TLN2: variants seen among roughly 807,000 people sequenced by gnomAD.
TLN2 encodes the protein talin 2, also known as talin-2.
Under a neutral mutation model 294.7 loss-of-function variants are expected in TLN2, and 118 were observed. That is an observed-to-expected ratio of 0.40 (90% CI 0.34 to 0.47). The LOEUF (loss-of-function observed/expected upper bound fraction) is 0.47. Ranked by LOEUF, TLN2 falls within the 20% of genes least tolerant of loss-of-function variation. TLN2 has a pLI of 0.84. For synonymous variants in TLN2, 1,431 were observed against 1,304.5 expected (o/e 1.10, Z -2.09); for missense variants, 3,083 against 3,282.2 (o/e 0.94, Z 1.48).
chr15:62,712,047 C>A lies in TLN2; in HGVS notation c.2604C>A (p.Asp868Glu). 6.2e-7 allele frequency: 1 copy of A among 1,614,174 alleles called. No homozygotes were observed. Among genetic ancestry groups the A allele is most frequent in the Non-Finnish European group, 8.5e-7 (1 of 1,180,002 alleles). The stretch of plus-strand genomic sequence containing the variant: ...TGGCAGCAGCAAAACTCTTAGCTGA[C>A]TCCACTGCTCGCATGGTGGAAGCTG... The part of the protein sequence containing the change: ...KLLAAAKLLA[D>E]STARMVEAAK... Residue 868 changes from aspartate to glutamate, a missense_variant, in exon 22 of 59, where the codon GAC (aspartate) becomes GAA (glutamate). Physicochemically the swap from Asp to Glu is conservative, Grantham distance 45 (BLOSUM62 2). Transcript: ENST00000636159.
intron 1 of TLN2, among the ~76,000 whole-genome samples, chr15:62,564,831 C>T (rs947276546): frequency 6.6e-6 from 1 of 150,416 alleles, no homozygotes; most frequent in African/African-American, 2.5e-5. Context: ...CGCTTGAACC[C>T]CGGGAGGTGG....
At chr15:62,507,332 G>GTC (rs71431445) in intron 1 of TLN2, among the ~76,000 whole-genome samples, 26 of 152,204 alleles carry the variant, frequency 1.7e-4, no homozygotes, top group Non-Finnish European at 3.2e-4. Context: ...GAATACCAAA[G>GTC]TCTGGTAACT....
At chr15:62,749,091 C>T (rs1340457230) in intron 33 of TLN2, among the ~76,000 whole-genome samples, 1 of 152,160 alleles carries the variant, frequency 6.6e-6, no homozygotes, top group Non-Finnish European at 1.5e-5. Flanking sequence ...CTAACCAATG[C>T]CGGTTATATT....
At chr15:62,647,875 T>C (rs1352064654) in intron 4 of TLN2, among the ~76,000 whole-genome samples, 3 of 152,180 alleles carry the variant, frequency 2.0e-5, no homozygotes, top group Non-Finnish European at 4.4e-5. Context: ...ACAGGGACTT[T>C]ATAAATTTTA....
At chr15:62,453,422 C>T (rs1483682860) in intron 1 of TLN2, among the ~76,000 whole-genome samples, 1 of 152,140 alleles carries the variant, frequency 6.6e-6, no homozygotes, top group Non-Finnish European at 1.5e-5. Context: ...TGCTCTAATA[C>T]AAGGCCCTTT....
intron 1 of TLN2, among the ~76,000 whole-genome samples, chr15:62,577,483 A>G (rs990124708): frequency 1.3e-5 from 2 of 152,126 alleles, no homozygotes; most frequent in Non-Finnish European, 2.9e-5. Context: ...CAAAAAACAC[A>G]AACAAAAGAA....
At chr15:62,595,558 T>C (rs1478252586) in intron 2 of TLN2, among the ~76,000 whole-genome samples, 2 of 152,078 alleles carry the variant, frequency 1.3e-5, no homozygotes, top group Non-Finnish European at 2.9e-5. Context: ...AAATTAAAAA[T>C]AGAACTTCTA....
Position 62,737,102 on chromosome 15 carries a change from A to G in TLN2, c.3567+16A>G. ...ACTGGCTCAGGTGAGGCTAGGAATGAGAAATTGTGGTTGTCATGGTCATCA... is the reference window on the plus strand; with the variant it reads ...ACTGGCTCAGGTGAGGCTAGGAATGGGAAATTGTGGTTGTCATGGTCATCA... On this transcript the variant is annotated intron_variant, in intron 29 of 58. Transcript: ENST00000636159. 1 of 1,613,552 alleles carries G rather than the reference A, an allele frequency of 6.2e-7. No individual in the cohort carries two copies. Among genetic ancestry groups the G allele is most frequent in the Non-Finnish European group, 8.5e-7 (1 of 1,179,696 alleles).
chr15:62,701,057 T>C, intron 16 of TLN2, 49 bp from the exon 17 acceptor site: 1 of 1,528,030 alleles, frequency 6.5e-7, no homozygotes, highest in South Asian at 1.2e-5. Flanking sequence ...TCCGGTCTCC[T>C]GGGTAATTCT....
intron 1 of TLN2, among the ~76,000 whole-genome samples, chr15:62,498,153 C>CAAAAAAAAAAAAAAA (rs538951284): frequency 1.1e-5 from 1 of 93,384 alleles, no homozygotes; most frequent in Non-Finnish European, 2.2e-5. Context: ...GACCCTGCCT[C>CAAAAAAAAAAAAAAA]AAAAAAAAAA....
intron 21 of TLN2, among the ~76,000 whole-genome samples, chr15:62,709,887 A>G (rs1217933865): frequency 6.6e-6 from 1 of 152,124 alleles, no homozygotes; most frequent in African/African-American, 2.4e-5. Flanking sequence ...GGCGCCTGCC[A>G]TGATGCCCGG....
chr15:62,681,153 A>G (rs75542311), intron 11 of TLN2, among the ~76,000 whole-genome samples: 1,562 of 152,288 alleles, frequency 0.01, 33 homozygotes, highest in African/African-American at 0.035. Context: ...AGGAATCTCT[A>G]TACTGTTTTC....
intron 22 of TLN2, among the ~76,000 whole-genome samples, chr15:62,714,988 G>A (rs904674641): frequency 6.6e-6 from 1 of 152,072 alleles, no homozygotes; most frequent in African/African-American, 2.4e-5. Flanking sequence ...AATACCTGAT[G>A]AACAGAAAAA....
intron 2 of TLN2, among the ~76,000 whole-genome samples, chr15:62,616,641 C>T (rs2048336186): frequency 6.6e-6 from 1 of 152,262 alleles, no homozygotes; most frequent in South Asian, 2.1e-4. Context: ...AGCCTAGGCT[C>T]CTAGTCATGG....
intron 1 of TLN2, among the ~76,000 whole-genome samples, chr15:62,472,213 T>C (rs2140363806): frequency 6.6e-6 from 1 of 152,294 alleles, no homozygotes; most frequent in South Asian, 2.1e-4. Context: ...CAAGTCATTT[T>C]TTCCAGGACC....
At chr15:62,542,561 T>C (rs918603469) in intron 1 of TLN2, among the ~76,000 whole-genome samples, 6 of 152,222 alleles carry the variant, frequency 3.9e-5, no homozygotes, top group Non-Finnish European at 8.8e-5. Context: ...ATACTGTATA[T>C]ACTAGGATCC....
chr15:62,608,111 C>T (rs970589181), intron 2 of TLN2, among the ~76,000 whole-genome samples: 5 of 152,194 alleles, frequency 3.3e-5, no homozygotes, highest in Non-Finnish European at 2.9e-5. Context: ...CACCCCACCC[C>T]TGCATCTAAT....
At chr15:62,831,821 T>A (rs1449944493) in intron 54 of TLN2, 3 of 152,254 alleles carry the variant, frequency 2.0e-5, no homozygotes, top group African/African-American at 4.8e-5. Context: ...GTTCAAGATG[T>A]GGCATTATGA....
rs534048444 is a variant in TLN2, at chr15:62,410,544, G to A, written c.-238+19859G>A. Among the ~76,000 whole-genome samples, 3 of 152,322 alleles carry A rather than the reference G, an allele frequency of 2.0e-5. No homozygotes were observed. In the South Asian group the frequency reaches 6.2e-4, roughly 32 times the overall value. On this transcript the variant is annotated intron_variant, in intron 1 of 58. Coordinates refer to ENST00000636159, the MANE Select transcript of TLN2 (RefSeq NM_015059.3). ...GCAAAGTAAAGATTCCTTTTGTGAA[G>A]CATGTATTCCCTCAAGGACCCTCTC...
Sources: gnomAD v4.1 joint callset for allele counts (sites outside exome capture counted in the v4.1 genomes callset) on GRCh38, gnomAD v4.1.1 for gene constraint, MANE v1.5 for transcripts, NCBI Gene and HGNC (gene_info 2026-07-23, HGNC 2026-07-21) for gene names.